Variants in TBCD observed in about 807,000 individuals in gnomAD.
The protein encoded by TBCD is tubulin-specific chaperone D.
Under a neutral mutation model 169.3 loss-of-function variants are expected in TBCD, and 105 were observed. The ratio of observed to expected loss-of-function variants is 0.62; its 90% CI spans 0.53 to 0.73. The LOEUF (loss-of-function observed/expected upper bound fraction) is 0.73, where lower values mean the gene tolerates loss of function less well. Among genes scored for constraint, TBCD ranks in the 30% least tolerant of loss-of-function variants. The pLI is 0.00. For synonymous variants in TBCD, 700 were observed against 643.9 expected (o/e 1.09, Z -1.32); for missense variants, 1,444 against 1,600.1 (o/e 0.90, Z 1.66).
At chr17:82,938,815 G>A (rs1461450842) in intron 36 of TBCD, among the ~76,000 whole-genome samples, 2 of 131,352 alleles carry the variant, frequency 1.5e-5, no homozygotes, top group Admixed American at 1.6e-4. Flanking sequence ...GAGAGCAGGC[G>A]AGATTGCTTC....
intron 6 of TBCD, 24 bp from the exon 7 acceptor site, chr17:82,781,565 G>C: frequency 6.2e-7 from 1 of 1,612,892 alleles, no homozygotes; most frequent in Non-Finnish European, 8.5e-7. Context: ...CTGAGGCCTT[G>C]GTTGAGCTGT....
At chr17:82,869,113 C>T (rs1445901146) in intron 13 of TBCD, among the ~76,000 whole-genome samples, 1 of 152,202 alleles carries the variant, frequency 6.6e-6, no homozygotes, top group Non-Finnish European at 1.5e-5. Flanking sequence ...GGCTTGGGTG[C>T]TCCCCCTGGC....
intron 2 of TBCD, 80 bp downstream of exon 2, chr17:82,756,295 A>C: frequency 7.1e-7 from 1 of 1,400,138 alleles, no homozygotes; most frequent in South Asian, 1.2e-5. Flanking sequence ...TGGCACATGC[A>C]TGTGCTTTGC....
chr17:82,827,304 C>T (rs1269083894), intron 13 of TBCD, among the ~76,000 whole-genome samples: 2 of 152,228 alleles, frequency 1.3e-5, no homozygotes, highest in African/African-American at 4.8e-5. Context: ...GTCTCTGGAG[C>T]AGTTCCCATC....
At chr17:82,862,766 C>T (rs1439499546) in intron 13 of TBCD, among the ~76,000 whole-genome samples, 4 of 152,314 alleles carry the variant, frequency 2.6e-5, no homozygotes, top group East Asian at 1.9e-4. Context: ...CGTGTGTTGC[C>T]GGCCCCGGCT....
intron 13 of TBCD, chr17:82,829,876 A>T: frequency 1.9e-6 from 1 of 528,590 alleles, no homozygotes; most frequent in South Asian, 2.6e-5. Flanking sequence ...CTTCTGTAAG[A>T]CAGCTTAGAC....
chr17:82,911,389 G>T (rs954831700), intron 22 of TBCD, among the ~76,000 whole-genome samples: 1 of 151,598 alleles, frequency 6.6e-6, no homozygotes, highest in African/African-American at 2.4e-5. Flanking sequence ...TTCGCTCATG[G>T]TAGAACCGCA....
intron 12 of TBCD, 62 bp downstream of exon 12, chr17:82,809,844 C>T (rs917434434): frequency 1.4e-6 from 2 of 1,474,678 alleles, no homozygotes; most frequent in Admixed American, 1.9e-5. Flanking sequence ...CCCTGGCTTT[C>T]CTTATATCCT....
In TBCD at chr17:82,944,495, T is replaced by C. The variant is rs1270901582; in HGVS notation, c.*2032T>C. ...CTGAGTGCTATGAACAAAGATAAAGTGGGCAATGGAATGGCATGTTGGGTG... is the reference window on the plus strand; with the variant it reads ...CTGAGTGCTATGAACAAAGATAAAGCGGGCAATGGAATGGCATGTTGGGTG... On this transcript the variant is annotated 3_prime_UTR_variant, in exon 39 of 39. Coordinates refer to ENST00000355528, the MANE Select transcript of TBCD (RefSeq NM_005993.5). 6.6e-6 allele frequency: 1 copy of C among 152,078 alleles called. No homozygotes were observed. Among genetic ancestry groups the C allele is most frequent in the Non-Finnish European group, 1.5e-5 (1 of 68,022 alleles). 9.4% of individuals were successfully genotyped at this position (152,078 alleles called of 1,614,324 possible).
Position 82,923,027 on chromosome 17 carries a change from C to T in TBCD, c.2179-625C>T, listed in dbSNP as rs1222064934. On this transcript the variant is annotated intron_variant, in intron 25 of 38. Transcript: ENST00000355528. This position sits in a 1 kb window ranked among gnomAD's most constrained non-coding sequence, Gnocchi z 4.6. ...TTCCTGGTGGCCTTGGGATGGGTTC[C>T]CGGGGGTCTCCTGCTGTCCGGCCCC... Among the ~76,000 whole-genome samples the T allele has an allele frequency of 6.6e-6, 1 of 152,196 alleles. No individual in the cohort carries two copies. Among genetic ancestry groups the T allele is most frequent in the East Asian group, 1.9e-4 (1 of 5,188 alleles).
In TBCD at chr17:82,932,721, C is replaced by T; in HGVS notation, c.3177C>T (p.Phe1059=). Residue 1059 remains phenylalanine, a synonymous_variant, in exon 34 of 39, where the codon TTC becomes TTT. Transcript: ENST00000355528. ...TCACCCACGGCTGCTTCGACATCTT[C>T]ACCACGGAGGAGGAGTGAGGCTCTG... ...HVLTHGCFDI[F]TTEEDHPFAV... 1 of 1,613,928 alleles carries T rather than the reference C, an allele frequency of 6.2e-7. No individual in the cohort carries two copies.
chr17:82,932,444 C>G (rs1453072664), intron 33 of TBCD, among the ~76,000 whole-genome samples: 1 of 152,254 alleles, frequency 6.6e-6, no homozygotes, highest in Non-Finnish European at 1.5e-5. Flanking sequence ...CTATCCCTTC[C>G]ACTTTACCAT....
In TBCD at chr17:82,864,703, C is replaced by T. The variant is rs573519894; in HGVS notation, c.1319-5521C>T. The stretch of plus-strand genomic sequence containing the variant: ...GAAAGAGCGGGCTTGGGGCTTGGTG[C>T]GTGATCCCACCGAGGCCGGGGTTGT... On this transcript the variant is annotated intron_variant, in intron 13 of 38. Coordinates refer to ENST00000355528, the MANE Select transcript of TBCD (RefSeq NM_005993.5). The surrounding 1 kb of genome is among the most constrained non-coding windows in gnomAD (Gnocchi z 6.3). Among the ~76,000 whole-genome samples the T allele has an allele frequency of 3.3e-5, 5 of 152,182 alleles. No homozygotes were observed. The highest frequency in any genetic ancestry group is 7.2e-5 in the African/African-American group (3 of 41,500).
rs551997792 is a variant in TBCD, at chr17:82,752,089, G to T, written c.-105G>T. The T allele has an allele frequency of 1.6e-6, 2 of 1,270,312 alleles. No individual in the cohort carries two copies. The highest frequency in any genetic ancestry group is 3.2e-5 in the East Asian group (1 of 31,478). 78.7% of individuals were successfully genotyped at this position (1,270,312 alleles called of 1,614,324 possible). The stretch of plus-strand genomic sequence containing the variant: ...GGCCAGCGTCGGTTGCCGCCTTAGC[G>T]GGCGCCTCCTTTTCATCCCTCATCC... On this transcript the variant is annotated 5_prime_UTR_variant, in exon 1 of 39. Coordinates refer to ENST00000355528, the MANE Select transcript of TBCD (RefSeq NM_005993.5).
chr17:82,779,287 A>G (rs1350343004), intron 6 of TBCD, among the ~76,000 whole-genome samples: 2 of 152,054 alleles, frequency 1.3e-5, no homozygotes, highest in East Asian at 3.9e-4. Flanking sequence ...TACGGGCTTG[A>G]GCCACTGCGC....
chr17:82,768,411 A>AT lies in TBCD; in HGVS notation c.436-3dup. The AT allele has an allele frequency of 1.2e-6, 2 of 1,613,550 alleles. No individual in the cohort carries two copies. The highest frequency in any genetic ancestry group is 1.7e-6 in the Non-Finnish European group (2 of 1,179,680). Reference sequence around the variant, plus strand: ...CAAGACTCATTCTTCCCGTGGTTTAATTTTTTAGGCTTGGGAAACCCGCTA... The same window carrying AT: ...CAAGACTCATTCTTCCCGTGGTTTAATTTTTTTAGGCTTGGGAAACCCGCTA... On this transcript the variant is annotated splice_polypyrimidine_tract_variant and intron_variant, in intron 4 of 38. Transcript: ENST00000355528.
chr17:82,893,706 A>G (rs375616903), intron 17 of TBCD, 74 bp downstream of exon 17: 6 of 1,171,164 alleles, frequency 5.1e-6, no homozygotes, highest in African/African-American at 3.1e-5. Flanking sequence ...AGCTACCACC[A>G]TTTTCTTTTT....
intron 38 of TBCD, 44 bp from the exon 39 acceptor site, chr17:82,942,405 G>A (rs920041171): frequency 6.2e-7 from 1 of 1,613,892 alleles, no homozygotes; most frequent in Non-Finnish European, 8.5e-7. Context: ...GGAATGGTGT[G>A]TGTTGGAGCT....
chr17:82,870,241 A>T lies in TBCD; in HGVS notation c.1336A>T (p.Lys446Ter). 1 of 1,613,146 alleles carries T rather than the reference A, an allele frequency of 6.2e-7. No individual in the cohort carries two copies. Among genetic ancestry groups the T allele is most frequent in the Non-Finnish European group, 8.5e-7 (1 of 1,179,848 alleles). ...TTGCCCAGTTGTCGCCGTGATCCTG[A>T]AGGCGCTGACCTACGACGAGAAGCG... ...RLVDVVAVIL[K>*]ALTYDEKRGA... Residue 446 changes from lysine to a stop codon, truncating the protein, a stop_gained, in exon 14 of 39, where the codon AAG becomes TAG. Coordinates refer to ENST00000355528, the MANE Select transcript of TBCD (RefSeq NM_005993.5). LOFTEE classifies it high-confidence loss of function.
Sources: allele counts gnomAD v4.1 joint callset (sites outside exome capture counted in the v4.1 genomes callset), GRCh38; gene constraint gnomAD v4.1.1; non-coding constraint Gnocchi (gnomAD v3.1); transcripts MANE v1.5; gene names NCBI Gene and HGNC (gene_info 2026-07-23, HGNC 2026-07-21).